RAB3C: variants seen among roughly 807,000 people sequenced by gnomAD.
The protein encoded by RAB3C is RAB3C, member RAS oncogene family.
RAB3C carries 17 observed loss-of-function variants against 26.4 expected under a neutral mutation model. The ratio of observed to expected loss-of-function variants is 0.64; its 90% CI spans 0.44 to 0.97. The LOEUF (loss-of-function observed/expected upper bound fraction) is 0.97. Among genes scored for constraint, RAB3C ranks in the 50% least tolerant of loss-of-function variants. The pLI, the probability that RAB3C is intolerant of heterozygous loss-of-function variation, is 0.00. For synonymous variants in RAB3C, 91 were observed against 95.9 expected, an observed-to-expected ratio of 0.95 and a Z score of 0.30; for missense variants, 242 against 281.9, an observed-to-expected ratio of 0.86 and a Z score of 1.01.
chr5:58,696,628 C>T (rs922662409), intron 2 of RAB3C, among the ~76,000 whole-genome samples: 12 of 152,150 alleles, frequency 7.9e-5, no homozygotes, highest in African/African-American at 2.7e-4. Flanking sequence ...AGAGATTAAA[C>T]TTCTTCCTGG....
intron 3 of RAB3C, among the ~76,000 whole-genome samples, chr5:58,801,491 T>C (rs888523179): frequency 6.6e-6 from 1 of 152,210 alleles, no homozygotes; most frequent in African/African-American, 2.4e-5. Flanking sequence ...AGCCAATCAC[T>C]AAAGACTAGG....
chr5:58,730,817 A>C lies in RAB3C; in HGVS notation c.371+4697A>C, dbSNP rs531801438. Among the ~76,000 whole-genome samples the C allele has an allele frequency of 2.6e-5, 4 of 152,250 alleles. No individual in the cohort carries two copies. The East Asian group carries it at 7.7e-4, about 29-fold the overall frequency. ...AGTGTATTAGTCTGTTCTCAAACTG[A>C]TAATAAAGACAGCCAAGACTGGGTA... is the stretch of plus-strand genomic sequence containing the variant. On this transcript the variant is annotated intron_variant, in intron 3 of 4. Coordinates refer to ENST00000282878, the MANE Select transcript of RAB3C (RefSeq NM_138453.4).
At chr5:58,768,512 T>C (rs1465228128) in intron 3 of RAB3C, among the ~76,000 whole-genome samples, 2 of 152,024 alleles carry the variant, frequency 1.3e-5, no homozygotes, top group Non-Finnish European at 1.5e-5. Context: ...GATGGTGATA[T>C]GTGCTTTGAA....
intron 1 of RAB3C, among the ~76,000 whole-genome samples, chr5:58,615,425 C>A (rs1460884300): frequency 6.6e-6 from 1 of 152,120 alleles, no homozygotes; most frequent in Non-Finnish European, 1.5e-5. Context: ...TTTAGCAGCT[C>A]ATATAGGAGA....
intron 3 of RAB3C, among the ~76,000 whole-genome samples, chr5:58,756,613 T>A (rs1401426481): frequency 1.4e-5 from 2 of 143,972 alleles, no homozygotes; most frequent in South Asian, 4.5e-4. Flanking sequence ...CACTTATGAG[T>A]GAGAACATCA....
chr5:58,744,465 G>T (rs114549196), intron 3 of RAB3C, among the ~76,000 whole-genome samples: 1 of 152,194 alleles, frequency 6.6e-6, no homozygotes, highest in African/African-American at 2.4e-5. Flanking sequence ...GGCAGTGTAT[G>T]ACATCTCCAG....
intron 3 of RAB3C, among the ~76,000 whole-genome samples, chr5:58,786,479 T>C (rs1052333711): frequency 1.3e-5 from 2 of 152,092 alleles, no homozygotes; most frequent in African/African-American, 2.4e-5. Flanking sequence ...CCCACTCTCT[T>C]TCCTTGGCCT....
chr5:58,695,036 T>G (rs1363453149), intron 2 of RAB3C, among the ~76,000 whole-genome samples: 1 of 152,102 alleles, frequency 6.6e-6, no homozygotes, highest in Non-Finnish European at 1.5e-5. Context: ...ATTGCCTAGG[T>G]TTTCTTCTGG....
At chr5:58,697,016 G>A (rs1009590409) in intron 2 of RAB3C, among the ~76,000 whole-genome samples, 1 of 152,102 alleles carries the variant, frequency 6.6e-6, no homozygotes, top group Non-Finnish European at 1.5e-5. Context: ...TGTGATGTTA[G>A]GGTGTCGATT....
At position 58,714,151 on chromosome 5, in the gene RAB3C, A is replaced by T. The variant is rs567035112; in HGVS notation, c.253-11851A>T. Among the ~76,000 whole-genome samples, 5 of 152,306 alleles carry T rather than the reference A, an allele frequency of 3.3e-5. No homozygotes were observed. In the South Asian group the frequency reaches 1.0e-3, roughly 32 times the overall value. On this transcript the variant is annotated intron_variant, in intron 2 of 4. Transcript: ENST00000282878. ...CTAAGAAACTTGGACTTTATTTCCT[A>T]GCCAATAGGAAGACATAGCATGGTT...
intron 3 of RAB3C, among the ~76,000 whole-genome samples, chr5:58,732,588 G>A (rs16888496): frequency 0.12 from 18,995 of 152,088 alleles, 1,500 homozygotes; most frequent in African/African-American, 0.22. Context: ...ATCCAAGCAC[G>A]TAGAGTTCTT....
intron 3 of RAB3C, among the ~76,000 whole-genome samples, chr5:58,762,783 AG>A: frequency 1.1e-5 from 1 of 93,128 alleles, no homozygotes; most frequent in Non-Finnish European, 2.4e-5. Context: ...TCCTTTTTAC[AG>A]AGTTTTCCTA....
chr5:58,740,151 G>A (rs1441804208), intron 3 of RAB3C, among the ~76,000 whole-genome samples: 1 of 152,212 alleles, frequency 6.6e-6, no homozygotes, highest in African/African-American at 2.4e-5. Context: ...CCAGGCAGGG[G>A]CCATGTGTGG....
chr5:58,617,795 C>T lies in RAB3C; in HGVS notation c.177C>T (p.Phe59=), dbSNP rs764929392. 8.7e-6 allele frequency: 14 copies of T among 1,613,450 alleles called. 1 individual carries two copies. The South Asian group carries it at 9.9e-5, about 11-fold the overall frequency. ...CAGATGACTCCTTTACATCTGCATT[C>T]GTCAGCACAGTTGGGATCGATTTCA... The part of the protein sequence containing the change: ...RYADDSFTSA[F]VSTVGIDFKV... Residue 59 remains phenylalanine (F), a synonymous_variant, in exon 2 of 5, where the codon TTC becomes TTT. Transcript: ENST00000282878.
At chr5:58,817,945 G>A (rs1561140870) in intron 3 of RAB3C, among the ~76,000 whole-genome samples, 1 of 152,288 alleles carries the variant, frequency 6.6e-6, no homozygotes, top group East Asian at 1.9e-4. Flanking sequence ...AAGAATAAGG[G>A]AAATGGATGC....
chr5:58,810,346 T>C (rs1420288284), intron 3 of RAB3C, among the ~76,000 whole-genome samples: 3 of 150,184 alleles, frequency 2.0e-5, no homozygotes, highest in Non-Finnish European at 4.4e-5. Flanking sequence ...CTTCTACTGG[T>C]ACAAAAGTAC....
At chr5:58,657,815 A>T (rs2111799977) in intron 2 of RAB3C, among the ~76,000 whole-genome samples, 1 of 152,302 alleles carries the variant, frequency 6.6e-6, no homozygotes, top group South Asian at 2.1e-4. Flanking sequence ...ATCCCCCCTA[A>T]AACTGCTGTT....
chr5:58,727,538 T>G (rs551161191), intron 3 of RAB3C, among the ~76,000 whole-genome samples: 1 of 152,010 alleles, frequency 6.6e-6, no homozygotes, highest in East Asian at 1.9e-4. Flanking sequence ...TTGTACAAAA[T>G]GAAATGAAAT....
At chr5:58,838,427 ATTCTTAAT>A (rs1271156001) in intron 4 of RAB3C, among the ~76,000 whole-genome samples, 10 of 151,462 alleles carry the variant, frequency 6.6e-5, no homozygotes, top group African/African-American at 2.4e-4. Context: ...TTAATCTTTT[ATTCTTAAT>A]TTCTTTCTTC....
Sources: allele counts gnomAD v4.1 joint callset (sites outside exome capture counted in the v4.1 genomes callset), GRCh38; gene constraint gnomAD v4.1.1; transcripts MANE v1.5; gene names NCBI Gene and HGNC (gene_info 2026-07-23, HGNC 2026-07-21).